TENM2: variants seen among roughly 807,000 people sequenced by gnomAD.
TENM2 encodes teneurin transmembrane protein 2.
In TENM2, 52 loss-of-function variants were observed where a neutral mutation model predicts 245.2. The ratio of observed to expected loss-of-function variants is 0.21; its 90% CI spans 0.17 to 0.27. The LOEUF (loss-of-function observed/expected upper bound fraction) is 0.27, where lower values mean the gene tolerates loss of function less well. Ranked by LOEUF, TENM2 falls within the 10% of genes least tolerant of loss-of-function variation. The probability of loss-of-function intolerance (pLI) is 1.00; values close to 1 mark genes in which losing one functional copy is unlikely to be tolerated. For synonymous variants in TENM2, 1,363 were observed against 1,438.9 expected (o/e 0.95, Z 1.19); for missense variants, 3,046 against 3,666.8 (o/e 0.83, Z 4.37).
the TENM2 span, among the ~76,000 whole-genome samples, chr5:167,145,812 T>C: frequency 6.6e-6 from 1 of 152,204 alleles, no homozygotes; most frequent in Admixed American, 6.5e-5. Flanking sequence ...ATTTGATTTG[T>C]CCATCTTCTG....
At chr5:168,206,298 A>G (rs1762340594) in intron 19 of TENM2, among the ~76,000 whole-genome samples, 1 of 152,198 alleles carries the variant, frequency 6.6e-6, no homozygotes, top group Admixed American at 6.5e-5. Context: ...AAAAAGAGGA[A>G]AAAACAAGAG....
chr5:167,182,445 A>G, the TENM2 span, among the ~76,000 whole-genome samples: 1 of 152,024 alleles, frequency 6.6e-6, no homozygotes, highest in Non-Finnish European at 1.5e-5. Context: ...TTTTTCTTCT[A>G]TTTTCTGCTA....
chr5:167,182,956 T>C, the TENM2 span, among the ~76,000 whole-genome samples: 2 of 152,158 alleles, frequency 1.3e-5, no homozygotes, highest in African/African-American at 2.4e-5. Context: ...CAAGAAGAAA[T>C]GCTGATATTA....
chr5:167,172,642 A>G, the TENM2 span, among the ~76,000 whole-genome samples: 93 of 116,334 alleles, frequency 8.0e-4, 2 homozygotes, highest in East Asian at 2.4e-4. Flanking sequence ...TTTTTTTTCT[A>G]GAGACAGGGT....
At chr5:167,147,806 A>G in the TENM2 span, among the ~76,000 whole-genome samples, 1 of 152,092 alleles carries the variant, frequency 6.6e-6, no homozygotes, top group Non-Finnish European at 1.5e-5. Flanking sequence ...TTTAATGACT[A>G]TACACCCTCA....
intron 2 of TENM2, among the ~76,000 whole-genome samples, chr5:167,774,924 T>G (rs544853569): frequency 2.0e-5 from 3 of 152,300 alleles, no homozygotes; most frequent in Middle Eastern, 6.8e-3. Context: ...AATTTGCAAG[T>G]TGTCCAAGGT....
At chr5:168,081,703 T>G (rs1302222596) in intron 7 of TENM2, among the ~76,000 whole-genome samples, 1 of 152,208 alleles carries the variant, frequency 6.6e-6, no homozygotes, top group Non-Finnish European at 1.5e-5. Flanking sequence ...TTAGTTTGGC[T>G]GGATATGAAA....
At chr5:167,605,016 G>A (rs1019123900) in intron 2 of TENM2, among the ~76,000 whole-genome samples, 6 of 152,180 alleles carry the variant, frequency 3.9e-5, no homozygotes, top group Non-Finnish European at 7.3e-5. Context: ...TTGGAGGCAC[G>A]AGGCAAGGTG....
At chr5:167,646,201 A>ATATG (rs1491290414) in intron 2 of TENM2, among the ~76,000 whole-genome samples, 3 of 5,702 alleles carry the variant, frequency 5.3e-4, no homozygotes, top group Middle Eastern at 0.33. Flanking sequence ...TGTTGTTTTC[A>ATATG]TATATATATA....
At chr5:168,003,941 G>A (rs1784606077) in intron 5 of TENM2, among the ~76,000 whole-genome samples, 1 of 152,180 alleles carries the variant, frequency 6.6e-6, no homozygotes, top group South Asian at 2.1e-4. Flanking sequence ...ACTAGAGGTG[G>A]TTTATCTTCT....
At chr5:167,967,692 C>T (rs1781481151) in intron 4 of TENM2, among the ~76,000 whole-genome samples, 1 of 152,200 alleles carries the variant, frequency 6.6e-6, no homozygotes, top group South Asian at 2.1e-4. Flanking sequence ...AAATTGAGAC[C>T]ACCCTGTGGT....
intron 21 of TENM2, among the ~76,000 whole-genome samples, chr5:168,215,630 C>A (rs1235533228): frequency 6.6e-6 from 1 of 152,202 alleles, no homozygotes; most frequent in African/African-American, 2.4e-5. Context: ...GATCGCGCCA[C>A]TGCACTCCAG....
the TENM2 span, among the ~76,000 whole-genome samples, chr5:167,075,311 C>T: frequency 1.3e-5 from 2 of 152,146 alleles, no homozygotes; most frequent in African/African-American, 4.8e-5. Flanking sequence ...TACCCAACAA[C>T]CATCCCTTAT....
chr5:167,887,116 A>G (rs1774352771), intron 3 of TENM2, among the ~76,000 whole-genome samples: 1 of 152,230 alleles, frequency 6.6e-6, no homozygotes, highest in South Asian at 2.1e-4. Flanking sequence ...GAGCTTTCCC[A>G]ACCAACACTG....
At chr5:168,004,696 T>G (rs1236794680) in intron 5 of TENM2, among the ~76,000 whole-genome samples, 1 of 152,156 alleles carries the variant, frequency 6.6e-6, no homozygotes, top group Admixed American at 6.5e-5. Context: ...TTCCAAAGAT[T>G]TAATCTTTCA....
intron 2 of TENM2, among the ~76,000 whole-genome samples, chr5:167,616,620 T>G (rs1030713158): frequency 6.6e-6 from 1 of 152,060 alleles, no homozygotes; most frequent in African/African-American, 2.4e-5. Context: ...ATCTTCAATA[T>G]TCTTCAGAAT....
the TENM2 span, among the ~76,000 whole-genome samples, chr5:167,049,294 C>T: frequency 6.6e-5 from 10 of 152,180 alleles, no homozygotes; most frequent in African/African-American, 2.2e-4. Flanking sequence ...ACACGAGTCA[C>T]GTGTATGTTT....
At chr5:167,381,910 G>A (rs1331134458) in intron 2 of TENM2, among the ~76,000 whole-genome samples, 1 of 152,096 alleles carries the variant, frequency 6.6e-6, no homozygotes, top group East Asian at 1.9e-4. Flanking sequence ...AAGGCATTTA[G>A]ATTTAAATGC....
At chr5:168,228,103 A>G in exon 25 of TENM2, 1 of 1,613,558 alleles carries the variant, frequency 6.2e-7, no homozygotes, top group Admixed American at 1.7e-5. Context: ...TTAAAGGCAA[A>G]GTCACCATCT....
Sources: gnomAD v4.1 joint callset for allele counts (sites outside exome capture counted in the v4.1 genomes callset) on GRCh38, gnomAD v4.1.1 for gene constraint, MANE v1.5 for transcripts, NCBI Gene and HGNC (gene_info 2026-07-23, HGNC 2026-07-21) for gene names.